The following CDKAL1 variants were observed in gnomAD, a reference collection of about 807,000 sequenced individuals.
CDKAL1 encodes the protein threonylcarbamoyladenosine tRNA methylthiotransferase.
In CDKAL1, 32 loss-of-function variants were observed where a neutral mutation model predicts 68.2. The ratio of observed to expected loss-of-function variants is 0.47; its 90% CI spans 0.35 to 0.63. The LOEUF (loss-of-function observed/expected upper bound fraction) is 0.63, where lower values mean the gene tolerates loss of function less well. CDKAL1 is among the 30% of genes least tolerant of loss of function. CDKAL1 has a pLI of 0.00. For synonymous variants in CDKAL1, 234 were observed against 244.3 expected, an observed-to-expected ratio of 0.96 and a Z score of 0.39; for missense variants, 606 against 696.7, an observed-to-expected ratio of 0.87 and a Z score of 1.47.
At chr6:21,215,966 A>G (rs533935228) in intron 15 of CDKAL1, among the ~76,000 whole-genome samples, 1 of 152,314 alleles carries the variant, frequency 6.6e-6, no homozygotes, top group East Asian at 1.9e-4. Flanking sequence ...CAGTGTAATC[A>G]CAATGGTCCT....
chr6:20,637,891 A>G (rs565076165), intron 4 of CDKAL1, among the ~76,000 whole-genome samples: 20 of 150,946 alleles, frequency 1.3e-4, no homozygotes, highest in Non-Finnish European at 2.7e-4. Flanking sequence ...TTATTGTCTT[A>G]TTTTTTTTTC....
At chr6:21,093,575 T>A (rs910780593) in intron 12 of CDKAL1, among the ~76,000 whole-genome samples, 3 of 151,908 alleles carry the variant, frequency 2.0e-5, no homozygotes, top group African/African-American at 7.3e-5. Flanking sequence ...TTCAAGAGGA[T>A]GAAAGGATAG....
At chr6:20,605,732 G>A (rs765305332) in intron 4 of CDKAL1, among the ~76,000 whole-genome samples, 1 of 152,106 alleles carries the variant, frequency 6.6e-6, no homozygotes, top group Non-Finnish European at 1.5e-5. Context: ...GCTTTACTCA[G>A]TGCCCCATCA....
intron 6 of CDKAL1, among the ~76,000 whole-genome samples, chr6:20,752,063 C>G (rs529353269): frequency 6.6e-6 from 1 of 150,814 alleles, no homozygotes; most frequent in South Asian, 2.1e-4. Flanking sequence ...ATGTTTTCCT[C>G]TTCCGCGTAA....
intron 15 of CDKAL1, among the ~76,000 whole-genome samples, chr6:21,228,136 C>T (rs939441722): frequency 7.2e-5 from 11 of 152,126 alleles, no homozygotes; most frequent in South Asian, 2.1e-4. Context: ...CCCTGAAGCT[C>T]GTGTAGCCAG....
intron 6 of CDKAL1, among the ~76,000 whole-genome samples, chr6:20,752,148 G>A (rs9465877): frequency 0.41 from 60,891 of 150,004 alleles, 12,485 homozygotes; most frequent in Non-Finnish European, 0.43. Flanking sequence ...TGCTTCCTCC[G>A]TTGTCTTCCG....
intron 4 of CDKAL1, among the ~76,000 whole-genome samples, chr6:20,569,723 A>G (rs983536298): frequency 6.6e-6 from 1 of 152,206 alleles, no homozygotes; most frequent in Non-Finnish European, 1.5e-5. Flanking sequence ...CTTTGTGTGA[A>G]ATTTCAGTTG....
chr6:21,076,104 G>T (rs899853740), intron 12 of CDKAL1, among the ~76,000 whole-genome samples: 3 of 152,096 alleles, frequency 2.0e-5, no homozygotes, highest in Non-Finnish European at 4.4e-5. Flanking sequence ...CCTTAAGAAA[G>T]AATGTAAGGG....
chr6:21,108,293 A>G (rs1773949073), intron 12 of CDKAL1, 108 bp from the exon 13 acceptor site: 2 of 689,392 alleles, frequency 2.9e-6, no homozygotes, highest in Admixed American at 3.5e-5. Flanking sequence ...AAAAAAAAAA[A>G]AAAAACTTTA....
At chr6:20,959,681 G>C (rs954503944) in intron 10 of CDKAL1, among the ~76,000 whole-genome samples, 1 of 151,898 alleles carries the variant, frequency 6.6e-6, no homozygotes, top group Non-Finnish European at 1.5e-5. Context: ...ACATGTGTTG[G>C]CTAATATATC....
chr6:21,041,316 AATAAT>A (rs1421047668), intron 11 of CDKAL1, among the ~76,000 whole-genome samples: 2 of 152,206 alleles, frequency 1.3e-5, no homozygotes, highest in Non-Finnish European at 2.9e-5. Context: ...AAATATTTGA[AATAAT>A]ATAATTGCTT....
chr6:20,747,041 T>C (rs998393087), intron 6 of CDKAL1, among the ~76,000 whole-genome samples: 3 of 152,184 alleles, frequency 2.0e-5, no homozygotes, highest in African/African-American at 4.8e-5. Flanking sequence ...CCTGTTTCTC[T>C]GTATTTGACT....
chr6:20,726,203 C>T (rs1035108104), intron 5 of CDKAL1, among the ~76,000 whole-genome samples: 4 of 152,078 alleles, frequency 2.6e-5, no homozygotes, highest in African/African-American at 9.7e-5. Flanking sequence ...CACAACCCCC[C>T]AGACAGTTCT....
At chr6:20,894,693 A>T (rs964610900) in intron 9 of CDKAL1, among the ~76,000 whole-genome samples, 6 of 152,036 alleles carry the variant, frequency 3.9e-5, no homozygotes, top group Non-Finnish European at 7.4e-5. Flanking sequence ...ACACTTCTAA[A>T]CTTTAGTTTT....
rs183425330 is a variant in CDKAL1, at chr6:21,201,367, A to T, written c.1548+93A>T. On this transcript the variant is annotated intron_variant, in intron 15 of 15. Coordinates refer to ENST00000274695, the MANE Select transcript of CDKAL1 (RefSeq NM_017774.3). ...AGGCCATGTTTCTGTTATCATTTAT[A>T]GTTCCCTTTTTATGTATGCATGAGG... 49 of 1,145,878 alleles carry T rather than the reference A, an allele frequency of 4.3e-5. No homozygotes were observed. The African/African-American group carries it at 5.3e-4, about 12-fold the overall frequency. The allele number at this position is 1,145,878 out of a possible 1,614,324, so 71.0% of individuals were successfully genotyped here. A position where few individuals can be genotyped will look rare whatever the true frequency, so the allele number is the denominator to read the frequency against.
At chr6:20,769,298 G>A (rs13214325) in intron 7 of CDKAL1, among the ~76,000 whole-genome samples, 57,083 of 137,382 alleles carry the variant, frequency 0.42, 11,736 homozygotes, top group Middle Eastern at 0.48. Flanking sequence ...TTGCTCCGTC[G>A]CCCAGGCTGG....
chr6:21,173,582 A>C (rs952312041), intron 13 of CDKAL1, among the ~76,000 whole-genome samples: 3 of 152,200 alleles, frequency 2.0e-5, no homozygotes, highest in Non-Finnish European at 4.4e-5. Context: ...GTCAAAAACT[A>C]CTTACTGATT....
At chr6:20,978,331 A>G (rs1765949244) in intron 10 of CDKAL1, among the ~76,000 whole-genome samples, 1 of 152,204 alleles carries the variant, frequency 6.6e-6, no homozygotes, top group Non-Finnish European at 1.5e-5. Context: ...GTTATTAGTA[A>G]GTGCCACAGT....
chr6:20,848,455 A>T (rs1758809467), intron 9 of CDKAL1, among the ~76,000 whole-genome samples: 1 of 152,160 alleles, frequency 6.6e-6, no homozygotes, highest in Non-Finnish European at 1.5e-5. Flanking sequence ...CCCTCTGAGT[A>T]ACCAATTTAC....
Sources: allele counts gnomAD v4.1 joint callset (sites outside exome capture counted in the v4.1 genomes callset), GRCh38; gene constraint gnomAD v4.1.1; transcripts MANE v1.5; gene names NCBI Gene and HGNC (gene_info 2026-07-23, HGNC 2026-07-21).